Variants in TRIM24 observed in about 807,000 individuals in gnomAD.
The protein encoded by TRIM24 is transcription intermediary factor 1-alpha.
A neutral mutation model predicts 123.9 loss-of-function variants in TRIM24; 29 were observed. The observed-to-expected ratio is 0.23, with a 90% confidence interval of 0.17 to 0.32. TRIM24 has a LOEUF of 0.32. Ranked by LOEUF, TRIM24 falls within the 10% of genes least tolerant of loss-of-function variation. TRIM24 has a pLI of 1.00. For missense variants in TRIM24, 932 were observed against 1,295.3 expected (o/e 0.72, Z 4.31); for synonymous variants, 456 against 461.1 (o/e 0.99, Z 0.14).
chr7:138,504,444 G>GT (rs1563036659), intron 2 of TRIM24, 36 bp downstream of exon 2: 28 of 624,942 alleles, frequency 4.5e-5, no homozygotes, highest in East Asian at 1.4e-4. Context: ...TTGCCTGCCA[G>GT]CTCTTTTTTT....
chr7:138,508,690 T>TGCGCGCGCGC (rs371514737), intron 2 of TRIM24, among the ~76,000 whole-genome samples: 1,404 of 106,154 alleles, frequency 0.013, 23 homozygotes, highest in Non-Finnish European at 0.02. Flanking sequence ...TGTGTGTGTG[T>TGCGCGCGCGC]GTGCGCGCGC....
chr7:138,501,024 G>C (rs946627920), intron 1 of TRIM24, among the ~76,000 whole-genome samples: 3 of 152,178 alleles, frequency 2.0e-5, no homozygotes, highest in Non-Finnish European at 2.9e-5. Flanking sequence ...TTGCAGGACT[G>C]TAATTTGCTC....
chr7:138,584,620 A>T, intron 18 of TRIM24, 122 bp from the exon 19 acceptor site: 2 of 737,520 alleles, frequency 2.7e-6, no homozygotes, highest in South Asian at 4.5e-5. Context: ...GACTTTGTCT[A>T]GTCCTAAACT....
chr7:138,504,438 C>T (rs773953167), intron 2 of TRIM24, 30 bp downstream of exon 2: 1 of 942,438 alleles, frequency 1.1e-6, no homozygotes, highest in Non-Finnish European at 1.5e-6. Flanking sequence ...AACCTTTTGC[C>T]TGCCAGCTCT....
At chr7:138,558,375 T>C (rs544968761) in intron 9 of TRIM24, among the ~76,000 whole-genome samples, 1 of 152,248 alleles carries the variant, frequency 6.6e-6, no homozygotes, top group African/African-American at 2.4e-5. Flanking sequence ...CTCCCGATAA[T>C]AGAGATTTTT....
At chr7:138,472,573 T>C (rs1425259238) in intron 1 of TRIM24, among the ~76,000 whole-genome samples, 1 of 152,152 alleles carries the variant, frequency 6.6e-6, no homozygotes, top group African/African-American at 2.4e-5. Context: ...AGTTTTGAAG[T>C]TGACCAATAA....
At chr7:138,536,918 G>A (rs1414846696) in intron 6 of TRIM24, among the ~76,000 whole-genome samples, 1 of 152,148 alleles carries the variant, frequency 6.6e-6, no homozygotes, top group Non-Finnish European at 1.5e-5. Context: ...GCAATGGTGG[G>A]CGCCCCTTCC....
At chr7:138,557,005 C>G (rs1797328673) in intron 9 of TRIM24, among the ~76,000 whole-genome samples, 1 of 152,236 alleles carries the variant, frequency 6.6e-6, no homozygotes, top group African/African-American at 2.4e-5. Context: ...TTTTGTAATC[C>G]TTAGCATAGC....
At chr7:138,528,783 A>C (rs199801460) in intron 5 of TRIM24, among the ~76,000 whole-genome samples, 1,550 of 80,192 alleles carry the variant, frequency 0.019, 1 homozygote, top group Middle Eastern at 0.046. Context: ...GTCCACCCCC[A>C]CCCCCCCCCC....
chr7:138,585,751 T>G lies in TRIM24; in HGVS notation c.*800T>G. The G allele has an allele frequency of 3.9e-6, 2 of 515,854 alleles. No individual in the cohort carries two copies. Among genetic ancestry groups the G allele is most frequent in the Non-Finnish European group, 7.7e-6 (2 of 259,842 alleles). The allele number at this position is 515,854 out of a possible 1,614,324, so 32.0% of individuals were successfully genotyped here. On this transcript the variant is annotated 3_prime_UTR_variant, in exon 19 of 19. Transcript: ENST00000343526. Reference sequence around the variant, plus strand: ...GCTGTGTGTCTATGTGAGGTTTAATTGTACAGGTGATCCTTTTACAACAAG... The same window carrying G: ...GCTGTGTGTCTATGTGAGGTTTAATGGTACAGGTGATCCTTTTACAACAAG...
chr7:138,579,573 CTT>C, intron 15 of TRIM24, 41 bp downstream of exon 15: 1 of 1,483,738 alleles, frequency 6.7e-7, no homozygotes. Context: ...TTACTGTAAA[CTT>C]TTGAAGATTA....
At chr7:138,526,959 A>G (rs1796623221) in intron 5 of TRIM24, among the ~76,000 whole-genome samples, 1 of 152,166 alleles carries the variant, frequency 6.6e-6, no homozygotes, top group South Asian at 2.1e-4. Context: ...TAAATTAAAC[A>G]TCTGCCCTTA....
Position 138,460,671 on chromosome 7 carries a change from G to A in TRIM24, c.123G>A (p.Ser41=), listed in dbSNP as rs777486511. 1.3e-6 allele frequency: 2 copies of A among 1,513,854 alleles called. No homozygotes were observed. The highest frequency in any genetic ancestry group is 1.2e-5 in the South Asian group (1 of 80,420). The allele number at this position is 1,513,854 out of a possible 1,614,324, so 93.8% of individuals were successfully genotyped here. A position where few individuals can be genotyped will look rare whatever the true frequency, so the allele number is the denominator to read the frequency against. ...CCGAGAGTCGGCAGGGCCCGGACTC[G>A]GAGCGCGGCGGCGAGGCGGCCCGGC... The part of the protein sequence containing the change: ...NEAESRQGPD[S]ERGGEAARLN... The change falls in exon 1 of 19, where the codon TCG becomes TCA. Residue 41 remains serine, a synonymous_variant. Transcript: ENST00000343526.
At chr7:138,536,617 T>C (rs1226212062) in intron 6 of TRIM24, among the ~76,000 whole-genome samples, 2 of 152,220 alleles carry the variant, frequency 1.3e-5, no homozygotes, top group East Asian at 3.9e-4. Context: ...GAGGTGTCAG[T>C]CTGCCCCTAC....
intron 1 of TRIM24, among the ~76,000 whole-genome samples, chr7:138,491,641 C>T (rs1157192969): frequency 6.6e-6 from 1 of 152,122 alleles, no homozygotes. Flanking sequence ...CTGCTACGAA[C>T]ATTGGTGTCC....
intron 1 of TRIM24, among the ~76,000 whole-genome samples, chr7:138,492,273 CAA>C (rs34380067): frequency 3.8e-4 from 23 of 60,002 alleles, no homozygotes; most frequent in South Asian, 7.5e-4. Context: ...ACTCTGTCTC[CAA>C]AAAAAAAAAA....
chr7:138,466,455 T>G (rs1464364776), intron 1 of TRIM24, among the ~76,000 whole-genome samples: 3 of 135,746 alleles, frequency 2.2e-5, no homozygotes, highest in Non-Finnish European at 4.7e-5. Flanking sequence ...ATTTCAAAAC[T>G]TAAGTTGCTT....
chr7:138,469,563 A>G (rs1320286026), intron 1 of TRIM24, among the ~76,000 whole-genome samples: 1 of 152,046 alleles, frequency 6.6e-6, no homozygotes, highest in Non-Finnish European at 1.5e-5. Context: ...CAGCCTCCCA[A>G]AGTGCTGGGA....
chr7:138,503,154 TAAAA>T (rs1198620893), intron 1 of TRIM24, among the ~76,000 whole-genome samples: 1 of 51,116 alleles, frequency 2.0e-5, no homozygotes, highest in East Asian at 2.7e-4. Context: ...ATGTAAGCCT[TAAAA>T]AAATCACACC....
Sources: allele counts gnomAD v4.1 joint callset (sites outside exome capture counted in the v4.1 genomes callset), GRCh38; gene constraint gnomAD v4.1.1; transcripts MANE v1.5; gene names NCBI Gene and HGNC (gene_info 2026-07-23, HGNC 2026-07-21).